Variants in TRHDE observed in about 807,000 individuals in gnomAD.
TRHDE encodes the protein thyrotropin releasing hormone degrading enzyme, also known as thyrotropin-releasing hormone-degrading ectoenzyme.
In TRHDE, 72 loss-of-function variants were observed where a neutral mutation model predicts 125.7. That is an observed-to-expected ratio of 0.57 (90% CI 0.47 to 0.70). The LOEUF is 0.70. Among genes scored for constraint, TRHDE ranks in the 30% least tolerant of loss-of-function variants. The probability of loss-of-function intolerance (pLI) is 0.00; values close to 1 mark genes in which losing one functional copy is unlikely to be tolerated. For missense variants in TRHDE, 1,110 were observed against 1,327.1 expected, an observed-to-expected ratio of 0.84 and a Z score of 2.54; for synonymous variants, 509 against 509.1, an observed-to-expected ratio of 1.00 and a Z score of 0.00.
At chr12:72,581,711 C>T (rs1443892377) in intron 12 of TRHDE, among the ~76,000 whole-genome samples, 1 of 151,214 alleles carries the variant, frequency 6.6e-6, no homozygotes, top group East Asian at 2.0e-4. Context: ...AGTTCACAAA[C>T]TTTGTTAAGA....
intron 2 of TRHDE, among the ~76,000 whole-genome samples, chr12:72,301,424 C>T (rs1482705815): frequency 2.0e-5 from 3 of 152,000 alleles, no homozygotes; most frequent in Admixed American, 6.6e-5. Flanking sequence ...AAAGGCAGTG[C>T]GAACAGTGAG....
intron 2 of TRHDE, among the ~76,000 whole-genome samples, chr12:72,155,750 G>C (rs924398657): frequency 6.6e-6 from 1 of 152,176 alleles, no homozygotes; most frequent in Non-Finnish European, 1.5e-5. Context: ...CGTTCCTCTG[G>C]AAGTTTTGTC....
At position 72,489,507 on chromosome 12, in the gene TRHDE, T is replaced by C. The variant is rs114246104; in HGVS notation, c.1585-9991T>C. Among the ~76,000 whole-genome samples the C allele has an allele frequency of 1.0e-3, 158 of 152,016 alleles. 1 individual carries two copies. The highest frequency in any genetic ancestry group is 3.7e-3 in the African/African-American group (155 of 41,536). ...TAGAAGAAAACAATTCTAAAATTTA[T>C]ATGGAAACATAAAAAACCTTGAATA... is the stretch of plus-strand genomic sequence containing the variant. On this transcript the variant is annotated intron_variant, in intron 5 of 18. Coordinates refer to ENST00000261180, the MANE Select transcript of TRHDE (RefSeq NM_013381.3).
chr12:72,339,984 C>T (rs994916284), intron 2 of TRHDE, among the ~76,000 whole-genome samples: 1 of 152,220 alleles, frequency 6.6e-6, no homozygotes, highest in Admixed American at 6.5e-5. Flanking sequence ...ACTGAAGAAA[C>T]TTCATAGCCA....
At chr12:72,100,627 A>G (rs7133520) in intron 1 of TRHDE, among the ~76,000 whole-genome samples, 107,800 of 152,040 alleles carry the variant, frequency 0.71, 39,645 homozygotes, top group Non-Finnish European at 0.81. Context: ...AGAAATAAAG[A>G]TTTCTGAAAA....
chr12:72,201,201 G>A (rs1184862934), intron 2 of TRHDE, among the ~76,000 whole-genome samples: 3 of 152,074 alleles, frequency 2.0e-5, no homozygotes. Flanking sequence ...ACCAGGTTAA[G>A]GAATTTCAGT....
chr12:72,346,077 A>G (rs1490646883), intron 2 of TRHDE, among the ~76,000 whole-genome samples: 4 of 115,608 alleles, frequency 3.5e-5, no homozygotes, highest in African/African-American at 1.0e-4. Flanking sequence ...GACACAGAAC[A>G]TAAATTTCAT....
intron 2 of TRHDE, among the ~76,000 whole-genome samples, chr12:72,247,945 A>C (rs1878604491): frequency 6.6e-6 from 1 of 152,078 alleles, no homozygotes; most frequent in Admixed American, 6.5e-5. Context: ...CTATCTTTTT[A>C]TCATCTATCA....
chr12:72,319,189 C>G (rs1467283164), intron 2 of TRHDE, among the ~76,000 whole-genome samples: 1 of 152,116 alleles, frequency 6.6e-6, no homozygotes, highest in African/African-American at 2.4e-5. Context: ...GACTGAAGCT[C>G]AGGAGAAAGG....
At chr12:72,277,962 A>G (rs1879551663) in intron 1 of TRHDE, among the ~76,000 whole-genome samples, 2 of 152,050 alleles carry the variant, frequency 1.3e-5, no homozygotes, top group Admixed American at 6.6e-5. Context: ...TTTAACATCT[A>G]CTCTCAGCAG....
chr12:72,545,670 C>T (rs1483209970), intron 7 of TRHDE, among the ~76,000 whole-genome samples: 1 of 151,590 alleles, frequency 6.6e-6, no homozygotes, highest in Non-Finnish European at 1.5e-5. Flanking sequence ...CAAACCAGAT[C>T]AGCATTTTTG....
intron 2 of TRHDE, among the ~76,000 whole-genome samples, chr12:72,106,624 T>A (rs1483146531): frequency 6.6e-6 from 1 of 152,162 alleles, no homozygotes; most frequent in Non-Finnish European, 1.5e-5. Flanking sequence ...TTTACCTGTT[T>A]GAAACCTTGA....
At chr12:72,651,905 C>T (rs935159934) in intron 15 of TRHDE, among the ~76,000 whole-genome samples, 4 of 151,766 alleles carry the variant, frequency 2.6e-5, no homozygotes, top group East Asian at 1.9e-4. Flanking sequence ...AAAATGTTTC[C>T]GTTCTATCCA....
intron 2 of TRHDE, among the ~76,000 whole-genome samples, chr12:72,327,370 A>G (rs1037919245): frequency 3.3e-5 from 5 of 152,116 alleles, no homozygotes; most frequent in African/African-American, 1.2e-4. Flanking sequence ...TGATTGGGAG[A>G]GTGTGTGAAT....
chr12:72,279,803 C>T lies in TRHDE; in HGVS notation c.914+6246C>T, dbSNP rs115829063. 3.1e-3 allele frequency among the ~76,000 whole-genome samples: 472 copies of T among 152,168 alleles called. 2 individuals carry two copies. The highest frequency in any genetic ancestry group is 0.011 in the African/African-American group (454 of 41,500). On this transcript the variant is annotated intron_variant, in intron 1 of 18. Coordinates refer to ENST00000261180, the MANE Select transcript of TRHDE (RefSeq NM_013381.3). Reference sequence around the variant, plus strand: ...ACCTGACATTTATAGAACTGTGGCCCCAGTTGTACAGGGACAGGGTGAATT... The same window carrying T: ...ACCTGACATTTATAGAACTGTGGCCTCAGTTGTACAGGGACAGGGTGAATT...
At chr12:72,432,554 G>A (rs948643256) in intron 3 of TRHDE, among the ~76,000 whole-genome samples, 5 of 152,042 alleles carry the variant, frequency 3.3e-5, no homozygotes, top group Non-Finnish European at 5.9e-5. Context: ...AGAACCTTCC[G>A]GCCTTTCAGA....
At chr12:72,590,772 C>T (rs539059942) in intron 12 of TRHDE, among the ~76,000 whole-genome samples, 3 of 152,234 alleles carry the variant, frequency 2.0e-5, no homozygotes, top group East Asian at 3.9e-4. Flanking sequence ...CTCACAATCT[C>T]TGCCTTTTCA....
At position 72,562,775 on chromosome 12, in the gene TRHDE, G is replaced by T. The variant is rs1870240202; in HGVS notation, c.1855-78G>T. ...CATATTTAGGTAAATAGTAAAAATA[G>T]AAATAAAAATGTCTTAATGTTAATA... is the stretch of plus-strand genomic sequence containing the variant. On this transcript the variant is annotated intron_variant, in intron 8 of 18. Transcript: ENST00000261180. 4 of 930,504 alleles carry T rather than the reference G, an allele frequency of 4.3e-6. No homozygotes were observed. The South Asian group carries it at 8.7e-5, about 20-fold the overall frequency. The allele number at this position is 930,504 out of a possible 1,614,324, so 57.6% of individuals were successfully genotyped here. A position where few individuals can be genotyped will look rare whatever the true frequency, so the allele number is the denominator to read the frequency against.
chr12:72,277,285 G>T (rs2139414237), intron 1 of TRHDE, among the ~76,000 whole-genome samples: 1 of 152,202 alleles, frequency 6.6e-6, no homozygotes, highest in South Asian at 2.1e-4. Flanking sequence ...TTATCTCTGG[G>T]TAGGCATTTG....
Sources: allele counts gnomAD v4.1 joint callset (sites outside exome capture counted in the v4.1 genomes callset), GRCh38; gene constraint gnomAD v4.1.1; transcripts MANE v1.5; gene names NCBI Gene and HGNC (gene_info 2026-07-23, HGNC 2026-07-21).